PRKAR1B: variants seen among roughly 807,000 people sequenced by gnomAD.
PRKAR1B encodes the protein cAMP-dependent protein kinase type I-beta regulatory subunit.
Under a neutral mutation model 46.5 loss-of-function variants are expected in PRKAR1B, and 22 were observed. The ratio of observed to expected loss-of-function variants is 0.47; its 90% CI spans 0.34 to 0.68. PRKAR1B has a LOEUF of 0.68. Among genes scored for constraint, PRKAR1B ranks in the 30% least tolerant of loss-of-function variants. The pLI, the probability that PRKAR1B is intolerant of heterozygous loss-of-function variation, is 0.01. For synonymous variants in PRKAR1B, 259 were observed against 217.7 expected (o/e 1.19, Z -1.67); for missense variants, 445 against 535.6 (o/e 0.83, Z 1.67).
At chr7:559,554 C>T (rs1778659756) in intron 9 of PRKAR1B, among the ~76,000 whole-genome samples, 1 of 152,200 alleles carries the variant, frequency 6.6e-6, no homozygotes, top group South Asian at 2.1e-4. Context: ...GCACCGGAGC[C>T]CAGGCCCGCT....
At chr7:629,036 CG>C (rs1206825062) in intron 4 of PRKAR1B, among the ~76,000 whole-genome samples, 1 of 152,216 alleles carries the variant, frequency 6.6e-6, no homozygotes, top group Non-Finnish European at 1.5e-5. Flanking sequence ...ACCTGTGTGT[CG>C]GACATTACAG....
chr7:569,121 A>G (rs1033482330), intron 9 of PRKAR1B, among the ~76,000 whole-genome samples: 1 of 151,810 alleles, frequency 6.6e-6, no homozygotes, highest in African/African-American at 2.4e-5. Context: ...TGTCAAAGGA[A>G]CCACACAAAT....
intron 6 of PRKAR1B, among the ~76,000 whole-genome samples, chr7:600,977 C>A (rs1320314143): frequency 6.6e-6 from 1 of 152,244 alleles, no homozygotes; most frequent in South Asian, 2.1e-4. Context: ...GTAATTCAAA[C>A]TGAACCTGGT....
intron 9 of PRKAR1B, among the ~76,000 whole-genome samples, chr7:569,417 G>T (rs1779370091): frequency 6.6e-6 from 1 of 152,228 alleles, no homozygotes; most frequent in Non-Finnish European, 1.5e-5. Flanking sequence ...TCAGCCGGGT[G>T]CTGGGAAGCT....
Position 685,337 on chromosome 7 carries a change from CGT to C in PRKAR1B, c.178-4613_178-4612del, listed in dbSNP as rs1562615877. Among the ~76,000 whole-genome samples, 10 of 49,664 alleles carry C rather than the reference CGT, an allele frequency of 2.0e-4. 1 individual carries two copies. Among genetic ancestry groups the C allele is most frequent in the East Asian group, 1.6e-3 (3 of 1,916 alleles). 32.6% of individuals were successfully genotyped at this position (49,664 alleles called of 152,430 possible). A position where few individuals can be genotyped will look rare whatever the true frequency, so the allele number is the denominator to read the frequency against. ...ATATACGTATATATACGTATATATA[CGT>C]ATATATATGTATACATATATATATA... On this transcript the variant is annotated intron_variant, in intron 2 of 10. Coordinates refer to ENST00000537384, the MANE Select transcript of PRKAR1B (RefSeq NM_001164760.2).
rs571056886 is a variant in PRKAR1B, at chr7:660,861, G to C, written c.440+16368C>G. Among the ~76,000 whole-genome samples the C allele has an allele frequency of 6.6e-3, 287 of 43,372 alleles. 2 individuals carry two copies. Among genetic ancestry groups the C allele is most frequent in the Middle Eastern group, 0.024 (1 of 42 alleles). 28.5% of individuals were successfully genotyped at this position (43,372 alleles called of 152,430 possible). Reference sequence around the variant, plus strand: ...CCCAACAGATCCAAATACCTACTCTGCCCCCCATGGCACAGGTCCCTACTC... The same window carrying C: ...CCCAACAGATCCAAATACCTACTCTCCCCCCCATGGCACAGGTCCCTACTC... On this transcript the variant is annotated intron_variant, in intron 4 of 10. Coordinates refer to ENST00000537384, the MANE Select transcript of PRKAR1B (RefSeq NM_001164760.2).
chr7:697,206 G>A (rs1723777646), intron 2 of PRKAR1B: 1 of 152,228 alleles, frequency 6.6e-6, no homozygotes, highest in Non-Finnish European at 1.5e-5. Flanking sequence ...CCCACAGAGG[G>A]GGATGAAGTG....
chr7:622,400 G>C (rs898519049), intron 4 of PRKAR1B, among the ~76,000 whole-genome samples: 1 of 152,214 alleles, frequency 6.6e-6, no homozygotes, highest in South Asian at 2.1e-4. Flanking sequence ...ATGTCTGCCT[G>C]AGGCTAAAAG....
At chr7:681,862 C>T (rs968696918) in intron 2 of PRKAR1B, among the ~76,000 whole-genome samples, 4 of 152,180 alleles carry the variant, frequency 2.6e-5, no homozygotes, top group African/African-American at 9.7e-5. Context: ...TCCTCCTGCA[C>T]CTGGAGGACC....
At chr7:611,984 T>C (rs1254812921) in intron 4 of PRKAR1B, among the ~76,000 whole-genome samples, 3 of 148,358 alleles carry the variant, frequency 2.0e-5, no homozygotes, top group Admixed American at 6.7e-5. Context: ...GATGGATGGA[T>C]GGATGGATGG....
chr7:625,355 A>C (rs1287811802), intron 4 of PRKAR1B, among the ~76,000 whole-genome samples: 2 of 152,356 alleles, frequency 1.3e-5, no homozygotes, highest in East Asian at 1.9e-4. Flanking sequence ...AAACTACAAC[A>C]AGAAGAGGAA....
intron 4 of PRKAR1B, among the ~76,000 whole-genome samples, chr7:631,844 CT>C (rs1310605785): frequency 6.6e-6 from 1 of 152,002 alleles, no homozygotes. Flanking sequence ...GTAGTCCCAG[CT>C]ACTCGGGAGG....
rs529338555 is a variant in PRKAR1B, at chr7:584,788, G to A, written c.709-220C>T. Among the ~76,000 whole-genome samples the A allele has an allele frequency of 7.9e-5, 12 of 152,196 alleles. 1 individual carries two copies. In the South Asian group the frequency reaches 1.2e-3, roughly 16 times the overall value. ...CCGGGGGGCTTCTGGAGAAGCTCCCGGCATGGTTGCTAAGTGTCCTGGCTG... is the reference window on the plus strand; with the variant it reads ...CCGGGGGGCTTCTGGAGAAGCTCCCAGCATGGTTGCTAAGTGTCCTGGCTG... On this transcript the variant is annotated intron_variant, in intron 7 of 10. Coordinates refer to ENST00000537384, the MANE Select transcript of PRKAR1B (RefSeq NM_001164760.2).
At chr7:712,622 ACCCCGGCCCCCAC>A (rs1780718049) in intron 1 of PRKAR1B, 1 of 19,866 alleles carries the variant, frequency 5.0e-5, no homozygotes, top group African/African-American at 1.9e-4. Context: ...GGGGCCCCCA[ACCCCGGCCCCCAC>A]CCCCGGCTCT....
At chr7:637,112 C>A (rs961940228) in intron 4 of PRKAR1B, among the ~76,000 whole-genome samples, 6 of 151,976 alleles carry the variant, frequency 3.9e-5, no homozygotes, top group Non-Finnish European at 7.4e-5. Flanking sequence ...ACCGCGAAAC[C>A]CCATCTCTAC....
rs1443526471 is a variant in PRKAR1B at position 726,787 on chromosome 7, G to C, written c.-23+423C>G. 171 of 1,281,666 alleles carry C rather than the reference G, an allele frequency of 1.3e-4. No homozygotes were observed. The highest frequency in any genetic ancestry group is 1.6e-4 in the Non-Finnish European group (160 of 1,016,606). 79.4% of individuals were successfully genotyped at this position (1,281,666 alleles called of 1,614,324 possible). A position where few individuals can be genotyped will look rare whatever the true frequency, so the allele number is the denominator to read the frequency against. ...CCCGGCTGAGGGGGCCGAGACGGCT[G>C]AGGCGGTGGAGCTGAGCCGCGCCCT... is the stretch of plus-strand genomic sequence containing the variant. On this transcript the variant is annotated intron_variant, in intron 1 of 10. Transcript: ENST00000537384.
At chr7:685,294 ACATATATATATACG>A (rs1352841125) in intron 2 of PRKAR1B, among the ~76,000 whole-genome samples, 443 of 10,026 alleles carry the variant, frequency 0.044, 56 homozygotes, top group South Asian at 0.075. Context: ...ATATATGTAT[ACATATATATATACG>A]TATATATACG....
rs914328390 is a variant in PRKAR1B at position 667,631 on chromosome 7, C to T, written c.440+9598G>A. Among the ~76,000 whole-genome samples the T allele has an allele frequency of 3.3e-5, 5 of 152,016 alleles. No homozygotes were observed. The highest frequency in any genetic ancestry group is 1.2e-4 in the African/African-American group (5 of 41,262). On this transcript the variant is annotated intron_variant, in intron 4 of 10. Coordinates refer to ENST00000537384, the MANE Select transcript of PRKAR1B (RefSeq NM_001164760.2). The surrounding 1 kb of genome is among the most constrained non-coding windows in gnomAD (Gnocchi z 4.3). The stretch of plus-strand genomic sequence containing the variant: ...ATCACCCATTCTCAATCTTCCTTCA[C>T]CATGCAGGCAGGGTAGCGGCAGGTG...
chr7:716,878 T>C (rs1360452876), intron 1 of PRKAR1B: 1 of 152,186 alleles, frequency 6.6e-6, no homozygotes, highest in Non-Finnish European at 1.5e-5. Context: ...CATGTGATTG[T>C]GGCTGATGGG....
Sources: gnomAD v4.1 joint callset for allele counts (sites outside exome capture counted in the v4.1 genomes callset) on GRCh38, gnomAD v4.1.1 for gene constraint, Gnocchi (gnomAD v3.1) non-coding constraint, MANE v1.5 for transcripts, NCBI Gene and HGNC (gene_info 2026-07-23, HGNC 2026-07-21) for gene names.